TMOD3: variants seen among roughly 807,000 people sequenced by gnomAD.
The protein encoded by TMOD3 is tropomodulin-3.
TMOD3 carries 20 observed loss-of-function variants against 39.2 expected under a neutral mutation model. That is an observed-to-expected ratio of 0.51 (90% CI 0.36 to 0.74). The LOEUF is 0.74. TMOD3 is among the 30% of genes least tolerant of loss of function. TMOD3 has a pLI of 0.00. For missense variants in TMOD3, 381 were observed against 412.8 expected (o/e 0.92, Z 0.67); for synonymous variants, 143 against 145.8 (o/e 0.98, Z 0.14).
intron 1 of TMOD3, among the ~76,000 whole-genome samples, chr15:51,838,661 C>A (rs2056298381): frequency 6.6e-6 from 1 of 152,118 alleles, no homozygotes; most frequent in South Asian, 2.1e-4. Context: ...ATCTTGATTG[C>A]TGAGCTTTTT....
chr15:51,868,790 G>A (rs951657916), intron 2 of TMOD3, among the ~76,000 whole-genome samples: 3 of 152,120 alleles, frequency 2.0e-5, no homozygotes, highest in African/African-American at 7.2e-5. Context: ...TGGCCAACAT[G>A]GCAAAACCCC....
At chr15:51,862,094 A>G (rs994394274) in intron 1 of TMOD3, among the ~76,000 whole-genome samples, 2 of 152,074 alleles carry the variant, frequency 1.3e-5, no homozygotes, top group Non-Finnish European at 2.9e-5. Flanking sequence ...CTCTAGAGCT[A>G]CTATTAACCT....
At chr15:51,854,873 C>G (rs1166584731) in intron 1 of TMOD3, among the ~76,000 whole-genome samples, 1 of 152,118 alleles carries the variant, frequency 6.6e-6, no homozygotes, top group African/African-American at 2.4e-5. Context: ...ATTTAAAACT[C>G]TTAGCAAAAT....
intron 1 of TMOD3, chr15:51,859,942 G>T: frequency 1.8e-6 from 1 of 545,746 alleles, no homozygotes. Context: ...TCTTCCCTCT[G>T]AGGAACCCAC....
chr15:51,894,070 T>A, intron 6 of TMOD3, 125 bp downstream of exon 6: 1 of 723,218 alleles, frequency 1.4e-6, no homozygotes, highest in Non-Finnish European at 2.0e-6. Flanking sequence ...CTCTTACCAG[T>A]ATGCTAACAT....
chr15:51,897,796 A>AC (rs1420066171), intron 7 of TMOD3, among the ~76,000 whole-genome samples: 1 of 150,698 alleles, frequency 6.6e-6, no homozygotes, highest in African/African-American at 2.4e-5. Context: ...AAAAAAAAAA[A>AC]AACAAAAAAC....
chr15:51,839,165 C>CTTTTTTTTTTTTTTTTTTTTTTTTTT (rs60102349), intron 1 of TMOD3, among the ~76,000 whole-genome samples: 1 of 108,970 alleles, frequency 9.2e-6, no homozygotes, highest in Non-Finnish European at 2.0e-5. Context: ...GTGTATCTCT[C>CTTTTTTTTTTTTTTTTTTTTTTTTTT]TTTTTTTTTT....
intron 3 of TMOD3, among the ~76,000 whole-genome samples, chr15:51,886,402 C>T (rs1024116684): frequency 1.3e-5 from 2 of 152,236 alleles, no homozygotes; most frequent in African/African-American, 4.8e-5. Context: ...AGCGAGACTC[C>T]GTCTGCAATC....
intron 1 of TMOD3, among the ~76,000 whole-genome samples, chr15:51,852,344 A>C (rs1299058584): frequency 6.6e-6 from 1 of 152,158 alleles, no homozygotes; most frequent in Non-Finnish European, 1.5e-5. Context: ...AGCCTAGCGC[A>C]ACTGAAGAGA....
chr15:51,886,450 C>T (rs141054471), intron 3 of TMOD3, among the ~76,000 whole-genome samples: 2,307 of 152,354 alleles, frequency 0.015, 84 homozygotes, highest in Admixed American at 0.075. Context: ...AGATCACTCA[C>T]GGCCAGGAGC....
intron 1 of TMOD3, chr15:51,860,932 T>C (rs1391622997): frequency 4.4e-6 from 2 of 455,700 alleles, no homozygotes; most frequent in Admixed American, 4.9e-5. Flanking sequence ...CAAGACTCCA[T>C]CTCAAAAAAC....
intron 2 of TMOD3, among the ~76,000 whole-genome samples, chr15:51,866,042 A>T (rs1292890342): frequency 6.6e-6 from 1 of 152,168 alleles, no homozygotes; most frequent in Non-Finnish European, 1.5e-5. Context: ...ATTAAAGAAA[A>T]TTTTTATATG....
chr15:51,893,812 C>T lies in TMOD3; in HGVS notation c.497-3C>T, dbSNP rs771300310. 6.3e-7 allele frequency: 1 copy of T among 1,586,758 alleles called. No individual in the cohort carries two copies. Among genetic ancestry groups the T allele is most frequent in the Non-Finnish European group, 8.6e-7 (1 of 1,166,240 alleles). On this transcript the variant is annotated splice_polypyrimidine_tract_variant and splice_region_variant and intron_variant, in intron 5 of 9. Coordinates refer to ENST00000308580, the MANE Select transcript of TMOD3 (RefSeq NM_014547.5). Reference sequence around the variant, plus strand: ...ATCCTGCTCTTTTCATTTATCACTGCAGATGTGGTCAAAGGTGAAAAGATT... The same window carrying T: ...ATCCTGCTCTTTTCATTTATCACTGTAGATGTGGTCAAAGGTGAAAAGATT...
At chr15:51,889,292 A>C in intron 5 of TMOD3, 147 bp downstream of exon 5, 1 of 590,284 alleles carries the variant, frequency 1.7e-6, no homozygotes, top group Middle Eastern at 4.3e-4. Context: ...TAACCAAGAA[A>C]GCCATTGAAA....
intron 1 of TMOD3, chr15:51,860,665 G>C: frequency 2.0e-6 from 1 of 497,812 alleles, no homozygotes; most frequent in Non-Finnish European, 4.0e-6. Context: ...GCCAGGCACG[G>C]TGGCTCATGC....
At chr15:51,904,562 T>C (rs757852300) in intron 9 of TMOD3, among the ~76,000 whole-genome samples, 124 of 152,116 alleles carry the variant, frequency 8.2e-4, no homozygotes, top group Non-Finnish European at 2.1e-4. Flanking sequence ...GTTACTTACC[T>C]CCCTCCAGGA....
At chr15:51,904,345 C>T (rs939391380) in intron 9 of TMOD3, among the ~76,000 whole-genome samples, 1 of 152,114 alleles carries the variant, frequency 6.6e-6, no homozygotes, top group Non-Finnish European at 1.5e-5. Flanking sequence ...GGGCCATGTC[C>T]GACTATTGAA....
chr15:51,846,056 C>T (rs1427863098), intron 1 of TMOD3, among the ~76,000 whole-genome samples: 1 of 151,472 alleles, frequency 6.6e-6, no homozygotes, highest in African/African-American at 2.4e-5. Flanking sequence ...TGGCTCACAC[C>T]TGTTATCCCA....
At chr15:51,834,150 A>G (rs1479635757) in intron 1 of TMOD3, among the ~76,000 whole-genome samples, 1 of 152,076 alleles carries the variant, frequency 6.6e-6, no homozygotes, top group Admixed American at 6.6e-5. Flanking sequence ...TATTGTTTGT[A>G]GGAGCTCTTT....
Sources: allele counts gnomAD v4.1 joint callset (sites outside exome capture counted in the v4.1 genomes callset), GRCh38; gene constraint gnomAD v4.1.1; transcripts MANE v1.5; gene names NCBI Gene and HGNC (gene_info 2026-07-23, HGNC 2026-07-21).